Variants in LARGE1 observed in about 807,000 individuals in gnomAD.
The protein encoded by LARGE1 is LARGE xylosyl- and glucuronyltransferase 1.
A neutral mutation model predicts 87.6 loss-of-function variants in LARGE1; 43 were observed. The ratio of observed to expected loss-of-function variants is 0.49; its 90% confidence interval spans 0.38 to 0.63. The LOEUF (loss-of-function observed/expected upper bound fraction) is 0.63. Among genes scored for constraint, LARGE1 ranks in the 30% least tolerant of loss-of-function variants. LARGE1 has a pLI of 0.00. For missense variants in LARGE1, 802 were observed against 1,000.2 expected (o/e 0.80, Z 2.67); for synonymous variants, 434 against 394.6 (o/e 1.10, Z -1.18).
intron 14 of LARGE1, among the ~76,000 whole-genome samples, chr22:33,275,709 C>CA (rs1221909230): frequency 1.3e-5 from 2 of 151,644 alleles, no homozygotes; most frequent in African/African-American, 4.8e-5. Flanking sequence ...ATGCTATTCG[C>CA]AAAGAAAAAA....
At chr22:33,198,142 G>T (rs923947742) in intron 11 of LARGE1, among the ~76,000 whole-genome samples, 5 of 152,168 alleles carry the variant, frequency 3.3e-5, no homozygotes, top group Non-Finnish European at 7.4e-5. Context: ...GAGCGGTGTG[G>T]TGGGTGGGGG....
intron 7 of LARGE1, among the ~76,000 whole-genome samples, chr22:33,406,078 G>A (rs2066087596): frequency 6.6e-6 from 1 of 152,150 alleles, no homozygotes; most frequent in South Asian, 2.1e-4. Flanking sequence ...TTTGAAACCA[G>A]GCTGAATATG....
chr22:33,334,695 A>T (rs776190592), intron 10 of LARGE1, among the ~76,000 whole-genome samples: 1 of 152,188 alleles, frequency 6.6e-6, no homozygotes, highest in Non-Finnish European at 1.5e-5. Flanking sequence ...GATGACAGCC[A>T]TGGTGACTGC....
In LARGE1 at chr22:33,731,880, A is replaced by AAAAACAAAC. The variant is rs372023912; in HGVS notation, c.106+29482_106+29490dup. Among the ~76,000 whole-genome samples, 265 of 152,354 alleles carry AAAAACAAAC rather than the reference A, an allele frequency of 1.7e-3. 1 individual carries two copies. The highest frequency in any genetic ancestry group is 5.9e-3 in the African/African-American group (245 of 41,584). On this transcript the variant is annotated intron_variant, in intron 2 of 14. Coordinates refer to ENST00000397394, the MANE Select transcript of LARGE1 (RefSeq NM_133642.5). ...CTTTCATCCTCTATAAAGTCGTTTT[A>AAAAACAAAC]AAAACAAACAAGGCAGCTTTAGATA...
At position 33,465,463 on chromosome 22, in the gene LARGE1, C is replaced by T. The variant is rs573004981; in HGVS notation, c.788-33198G>A. ...ATGTAAACATTATATATGCTCCTTC[C>T]CAAGTAGAACATATGCCATAGATTT... On this transcript the variant is annotated intron_variant, in intron 6 of 14. Transcript: ENST00000397394. Among the ~76,000 whole-genome samples, 3 of 152,238 alleles carry T rather than the reference C, an allele frequency of 2.0e-5. No individual in the cohort carries two copies. In the South Asian group the frequency reaches 6.2e-4, roughly 32 times the overall value.
At chr22:33,881,973 A>G in intron 1 of LARGE1, among the ~76,000 whole-genome samples, 1 of 152,284 alleles carries the variant, frequency 6.6e-6, no homozygotes, top group Non-Finnish European at 1.5e-5. Context: ...GAGAGGAGGT[A>G]CTAACACCTT....
chr22:33,389,588 T>C (rs1327627542), intron 7 of LARGE1, among the ~76,000 whole-genome samples: 5 of 152,294 alleles, frequency 3.3e-5, no homozygotes, highest in Non-Finnish European at 7.4e-5. Flanking sequence ...CTCATGCCTG[T>C]AATCCCAGCA....
chr22:33,559,605 ACTCTT>A (rs1440806261), intron 6 of LARGE1, among the ~76,000 whole-genome samples: 1 of 152,032 alleles, frequency 6.6e-6, no homozygotes. Flanking sequence ...TAAAGGCTCT[ACTCTT>A]AACGCCATTG....
chr22:33,333,369 C>T (rs765150316), intron 10 of LARGE1, among the ~76,000 whole-genome samples: 16 of 152,098 alleles, frequency 1.1e-4, no homozygotes, highest in Non-Finnish European at 2.1e-4. Context: ...TCATTTCATC[C>T]TCTACCTTGA....
At chr22:33,093,822 C>CTTTTTTTTTTTT in the LARGE1 span, among the ~76,000 whole-genome samples, 1 of 81,578 alleles carries the variant, frequency 1.2e-5, no homozygotes, top group Non-Finnish European at 2.3e-5. Context: ...TTCTTTCTTT[C>CTTTTTTTTTTTT]TTTTTTTTTT....
chr22:33,287,817 G>C lies in LARGE1; in HGVS notation c.1731-4469C>G, dbSNP rs5754507. 2.6e-5 allele frequency among the ~76,000 whole-genome samples: 4 copies of C among 152,298 alleles called. No homozygotes were observed. In the East Asian group the frequency reaches 7.7e-4, roughly 29 times the overall value. ...CACCCTGAGAAGCTGAGTGACTTTG[G>C]GTTACTCTATTACTCTTTAGATTGC... is the stretch of plus-strand genomic sequence containing the variant. On this transcript the variant is annotated intron_variant, in intron 12 of 14. Transcript: ENST00000397394.
At position 33,273,480 on chromosome 22, in the gene LARGE1, G is replaced by C; in HGVS notation, c.*947C>G. The C allele has an allele frequency of 2.5e-6, 1 of 398,674 alleles. No homozygotes were observed. The highest frequency in any genetic ancestry group is 4.4e-6 in the Non-Finnish European group (1 of 226,092). The allele number at this position is 398,674 out of a possible 1,614,324, so 24.7% of individuals were successfully genotyped here. A position where few individuals can be genotyped will look rare whatever the true frequency, so the allele number is the denominator to read the frequency against. On this transcript the variant is annotated 3_prime_UTR_variant, in exon 15 of 15. Coordinates refer to ENST00000397394, the MANE Select transcript of LARGE1 (RefSeq NM_133642.5). ...GTTCGTACCTTGTGTGTGCACTGAA[G>C]TAGTTCCTTCAAAGCCCTTTCCCAT...
At chr22:33,628,689 G>A (rs1320356543) in intron 3 of LARGE1, among the ~76,000 whole-genome samples, 2 of 152,086 alleles carry the variant, frequency 1.3e-5, no homozygotes, top group Non-Finnish European at 2.9e-5. Flanking sequence ...CAGGCCCTCC[G>A]TCCTTCAGAC....
chr22:33,105,302 G>A, the LARGE1 span: 3 of 152,046 alleles, frequency 2.0e-5, no homozygotes, highest in East Asian at 1.9e-4. Context: ...GCCTGGCCTC[G>A]ACTTGTTCTT....
intron 11 of LARGE1, among the ~76,000 whole-genome samples, chr22:33,196,635 C>A (rs2146202553): frequency 6.6e-6 from 1 of 152,066 alleles, no homozygotes; most frequent in Non-Finnish European, 1.5e-5. Context: ...ACAGTTACTT[C>A]ATTCAACTTT....
At chr22:33,089,338 T>TCTTCTTCTC in the LARGE1 span, among the ~76,000 whole-genome samples, 10 of 80,350 alleles carry the variant, frequency 1.2e-4, no homozygotes, top group African/African-American at 5.8e-4. Flanking sequence ...TTCTTCTTCT[T>TCTTCTTCTC]CTTCTTCTTC....
chr22:33,272,155 A>G (rs1928297793), downstream of LARGE1, among the ~76,000 whole-genome samples: 1 of 152,246 alleles, frequency 6.6e-6, no homozygotes, highest in Non-Finnish European at 1.5e-5. Flanking sequence ...TGGATTTTTA[A>G]CATTGAGGAA....
intron 6 of LARGE1, among the ~76,000 whole-genome samples, chr22:33,514,097 C>G (rs1338221391): frequency 6.6e-6 from 1 of 152,140 alleles, no homozygotes; most frequent in South Asian, 2.1e-4. Flanking sequence ...TGTATAAGTA[C>G]ACTCAGTGAT....
chr22:33,094,533 C>T, the LARGE1 span, among the ~76,000 whole-genome samples: 1 of 152,208 alleles, frequency 6.6e-6, no homozygotes, highest in Non-Finnish European at 1.5e-5. Context: ...CCCAGACCTC[C>T]AGTCCTTTGC....
Sources: gnomAD v4.1 joint callset for allele counts (sites outside exome capture counted in the v4.1 genomes callset) on GRCh38, gnomAD v4.1.1 for gene constraint, MANE v1.5 for transcripts, NCBI Gene and HGNC (gene_info 2026-07-23, HGNC 2026-07-21) for gene names.